Variants in XPO1 observed in about 807,000 individuals in gnomAD.
XPO1 encodes exportin-1.
A neutral mutation model predicts 133.3 loss-of-function variants in XPO1; 5 were observed. That is an observed-to-expected ratio of 0.04 (90% CI 0.02 to 0.08). XPO1 has a LOEUF of 0.08. Among genes scored for constraint, XPO1 ranks in the 10% least tolerant of loss-of-function variants. XPO1 has a pLI of 1.00. For synonymous variants in XPO1, 419 were observed against 408.2 expected, an observed-to-expected ratio of 1.03 and a Z score of -0.32; for missense variants, 506 against 1,267.5, an observed-to-expected ratio of 0.40 and a Z score of 9.12.
chr2:61,507,894 T>C (rs1197299591), intron 4 of XPO1, among the ~76,000 whole-genome samples: 1 of 152,126 alleles, frequency 6.6e-6, no homozygotes, highest in Non-Finnish European at 1.5e-5. Flanking sequence ...CAAGGCTCCA[T>C]ATCATTAATT....
At chr2:61,479,964 A>G (rs1259174113) in intron 24 of XPO1, among the ~76,000 whole-genome samples, 2 of 152,120 alleles carry the variant, frequency 1.3e-5, no homozygotes, top group Non-Finnish European at 2.9e-5. Flanking sequence ...TCCTGGGTTC[A>G]AGTGATTCTC....
intron 4 of XPO1, among the ~76,000 whole-genome samples, chr2:61,508,648 C>T (rs149070774): frequency 3.3e-5 from 5 of 152,232 alleles, no homozygotes; most frequent in Admixed American, 6.5e-5. Flanking sequence ...TCAATGATAG[C>T]GTAAAAAGCA....
chr2:61,506,378 G>A (rs773782302), intron 4 of XPO1, among the ~76,000 whole-genome samples: 7 of 152,102 alleles, frequency 4.6e-5, no homozygotes, highest in African/African-American at 7.2e-5. Context: ...AGCTGAGATC[G>A]CGCCACTGCA....
At chr2:61,508,332 T>A (rs1033728375) in intron 4 of XPO1, among the ~76,000 whole-genome samples, 3 of 152,232 alleles carry the variant, frequency 2.0e-5, no homozygotes, top group African/African-American at 7.2e-5. Flanking sequence ...CCTAACCACT[T>A]ACTGAAAGGC....
chr2:61,499,618 A>T (rs748743119), intron 7 of XPO1, 95 bp downstream of exon 7: 7 of 1,209,352 alleles, frequency 5.8e-6, no homozygotes, highest in Non-Finnish European at 7.9e-6. Context: ...CATATTACTG[A>T]TCATAGTTCC....
Position 61,482,992 on chromosome 2 carries a change from A to G in XPO1, c.2777T>C (p.Ile926Thr). The part of the protein sequence containing the change: ...QTYFCDILQH[I>T]FSVVTDTSHT... The stretch of plus-strand genomic sequence containing the variant: ...TGAAGTGTCTGTCACAACAGAAAAG[A>G]TATGCTGGAGAATATCACAAAAATA... The change falls in exon 22 of 25, where the codon ATC (isoleucine) becomes ACC (threonine). Residue 926 changes from isoleucine (I) to threonine (T), a missense_variant. Around this residue, in one of 6 missense-constraint regions of XPO1, gnomAD observed 203 missense variants for 365.9 expected, o/e 0.55. Transcript: ENST00000401558. 6.2e-7 allele frequency: 1 copy of G among 1,613,550 alleles called. No individual in the cohort carries two copies. Among genetic ancestry groups the G allele is most frequent in the Non-Finnish European group, 8.5e-7 (1 of 1,179,924 alleles).
chr2:61,493,262 A>T (rs1348374451), intron 12 of XPO1: 1 of 418,670 alleles, frequency 2.4e-6, no homozygotes, highest in Non-Finnish European at 4.2e-6. Context: ...GCAACACAAA[A>T]TGACACCCAA....
At chr2:61,509,615 A>C (rs1374656963) in intron 4 of XPO1, among the ~76,000 whole-genome samples, 1 of 152,084 alleles carries the variant, frequency 6.6e-6, no homozygotes, top group Non-Finnish European at 1.5e-5. Context: ...AACAAGAGCG[A>C]AACTCTGTCT....
rs1040635251 is a variant in XPO1 at position 61,504,314 on chromosome 2, C to T, written c.302-2004G>A. 1.3e-5 allele frequency among the ~76,000 whole-genome samples: 2 copies of T among 152,204 alleles called. 1 individual carries two copies. Among genetic ancestry groups the T allele is most frequent in the South Asian group, 4.2e-4 (2 of 4,816 alleles). On this transcript the variant is annotated intron_variant, in intron 4 of 24. Transcript: ENST00000401558. ...GAGCATCTACTATAGGTTCCATTCT[C>T]CAAAATCACAGGGTTCAAGAGTGTT... is the stretch of plus-strand genomic sequence containing the variant.
intron 4 of XPO1, among the ~76,000 whole-genome samples, chr2:61,516,031 CAGA>C (rs1698370591): frequency 6.7e-6 from 1 of 150,320 alleles, no homozygotes; most frequent in African/African-American, 2.5e-5. Context: ...GAGGCTGAGG[CAGA>C]AGAATGGTGT....
intron 8 of XPO1, 24 bp downstream of exon 8, chr2:61,498,841 A>T (rs752693929): frequency 1.7e-4 from 271 of 1,607,796 alleles, no homozygotes; most frequent in Non-Finnish European, 2.2e-4. Flanking sequence ...TATTGTTTTT[A>T]AAAATGAAAT....
intron 10 of XPO1, among the ~76,000 whole-genome samples, chr2:61,496,107 C>T (rs533209584): frequency 3.3e-5 from 5 of 152,176 alleles, no homozygotes; most frequent in African/African-American, 9.6e-5. Flanking sequence ...AATTAAAGGC[C>T]GCTATCACAG....
At chr2:61,500,251 A>T (rs1178897208) in intron 6 of XPO1, among the ~76,000 whole-genome samples, 1 of 151,622 alleles carries the variant, frequency 6.6e-6, no homozygotes, top group East Asian at 1.9e-4. Flanking sequence ...GTGGGGAGCC[A>T]GGGTGGGCAG....
At chr2:61,491,892 C>T in intron 16 of XPO1, 143 bp downstream of exon 16, 1 of 1,036,790 alleles carries the variant, frequency 9.6e-7, no homozygotes. Context: ...AGAGTAAGAC[C>T]CTGTCTCAAG....
chr2:61,504,685 C>G (rs1011300214), intron 4 of XPO1, among the ~76,000 whole-genome samples: 52 of 152,192 alleles, frequency 3.4e-4, no homozygotes, highest in African/African-American at 1.3e-3. Context: ...TAGCAGGAAA[C>G]TGACAACCTG....
intron 4 of XPO1, among the ~76,000 whole-genome samples, chr2:61,518,132 A>C (rs1417976468): frequency 1.4e-5 from 2 of 148,018 alleles, no homozygotes; most frequent in Non-Finnish European, 3.0e-5. Context: ...TCTGTCTCAC[A>C]AAAAAAAAAG....
chr2:61,507,000 C>T (rs1372816230), intron 4 of XPO1, among the ~76,000 whole-genome samples: 5 of 151,554 alleles, frequency 3.3e-5, no homozygotes, highest in South Asian at 2.1e-4. Context: ...GAGGCCGAGA[C>T]GGGCAGATCA....
intron 11 of XPO1, 139 bp from the exon 12 acceptor site, chr2:61,494,230 G>T: frequency 1.3e-6 from 1 of 760,202 alleles, no homozygotes; most frequent in Non-Finnish European, 2.0e-6. Flanking sequence ...TTATCAAATA[G>T]ACAGCAAACT....
chr2:61,511,311 G>A (rs1412721952), intron 4 of XPO1, among the ~76,000 whole-genome samples: 1 of 152,138 alleles, frequency 6.6e-6, no homozygotes, highest in African/African-American at 2.4e-5. Context: ...ATTTTTAGTA[G>A]AGATGGGGTT....
Sources: allele counts gnomAD v4.1 joint callset (sites outside exome capture counted in the v4.1 genomes callset), GRCh38; gene constraint gnomAD v4.1.1; regional missense constraint gnomAD v4.1.1; transcripts MANE v1.5; gene names NCBI Gene and HGNC (gene_info 2026-07-23, HGNC 2026-07-21).